CYP51A1: variants seen among roughly 807,000 people sequenced by gnomAD.
CYP51A1 encodes the protein lanosterol 14-alpha demethylase.
A neutral mutation model predicts 53.5 loss-of-function variants in CYP51A1; 45 were observed. The ratio of observed to expected loss-of-function variants is 0.84; its 90% CI spans 0.66 to 1.08. CYP51A1 has a LOEUF of 1.08. Among genes scored for constraint, CYP51A1 ranks in the 50% least tolerant of loss-of-function variants. The probability of loss-of-function intolerance (pLI) is 0.00; values close to 1 mark genes in which losing one functional copy is unlikely to be tolerated. For missense variants in CYP51A1, 462 were observed against 621.7 expected (o/e 0.74, Z 2.73); for synonymous variants, 181 against 217.7 (o/e 0.83, Z 1.48).
chr7:92,121,492 C>T (rs1819692847), intron 7 of CYP51A1, among the ~76,000 whole-genome samples: 1 of 152,078 alleles, frequency 6.6e-6, no homozygotes, highest in Admixed American at 6.6e-5. Context: ...AAATTGAAAA[C>T]ACATGTCCAC....
rs757146746 is a variant in CYP51A1, at chr7:92,126,298, T to C, written c.725A>G (p.His242Arg). ...CCAACCTGGTAAGAGCCAGGCTGCA[T>C]GGCTGAAACCTCCATCCAAATCTGC... ...LYADLDGGFS[H>R]AAWLLPGWLP... The change falls in exon 5 of 10, where the codon CAT (histidine) becomes CGT (arginine). Residue 242 changes from histidine to arginine, a missense_variant. Transcript: ENST00000003100. The C allele has an allele frequency of 1.2e-6, 2 of 1,611,464 alleles. No homozygotes were observed. Among genetic ancestry groups the C allele is most frequent in the East Asian group, 4.5e-5 (2 of 44,876 alleles).
chr7:92,133,378 C>A (rs1237149055), intron 1 of CYP51A1, among the ~76,000 whole-genome samples: 1 of 152,004 alleles, frequency 6.6e-6, no homozygotes, highest in Admixed American at 6.6e-5. Flanking sequence ...CCTCAGCTTC[C>A]CAAGCAGCTG....
intron 1 of CYP51A1, among the ~76,000 whole-genome samples, chr7:92,133,954 C>G (rs556940970): frequency 2.2e-3 from 337 of 152,344 alleles, no homozygotes; most frequent in Non-Finnish European, 3.7e-3. Flanking sequence ...AAGGCAATGG[C>G]GGGTGCTACA....
At chr7:92,123,676 T>C (rs1819736699) in intron 6 of CYP51A1, 58 bp downstream of exon 6, 10 of 1,478,876 alleles carry the variant, frequency 6.8e-6, no homozygotes, top group Non-Finnish European at 9.1e-6. Context: ...ACTATTTAAC[T>C]GTGTTTTAAT....
intron 5 of CYP51A1, among the ~76,000 whole-genome samples, chr7:92,124,819 G>T (rs1819762012): frequency 6.6e-6 from 1 of 152,234 alleles, no homozygotes; most frequent in South Asian, 2.1e-4. Flanking sequence ...TCATCCAAGA[G>T]ACAGAGCAGG....
At position 92,113,793 on chromosome 7, in the gene CYP51A1, T is replaced by C. The variant is rs1258756687; in HGVS notation, c.1402A>G (p.Ile468Val). ...ENFAYVQIKTIWSTMLRLYEF... is the reference protein window; with the variant it reads ...ENFAYVQIKTVWSTMLRLYEF... The stretch of plus-strand genomic sequence containing the variant: ...TATAAACGAAGCATAGTGGACCAAA[T>C]TGTCTTAATTTGAACATAGGCAAAA... Residue 468 changes from isoleucine to valine, a missense_variant, in exon 10 of 10, where the codon ATT becomes GTT. Transcript: ENST00000003100. 10 of 1,611,130 alleles carry C rather than the reference T, an allele frequency of 6.2e-6. No homozygotes were observed. Among genetic ancestry groups the C allele is most frequent in the South Asian group, 5.5e-5 (5 of 90,466 alleles).
chr7:92,114,148 T>C (rs1389043356), intron 9 of CYP51A1, among the ~76,000 whole-genome samples: 2 of 152,284 alleles, frequency 1.3e-5, no homozygotes, highest in Admixed American at 6.5e-5. Flanking sequence ...TTTGGGAATA[T>C]AGTAGAATAT....
rs751241690 is a variant in CYP51A1 at position 92,134,182 on chromosome 7, G to A, written c.183C>T (p.Pro61=). The change falls in exon 1 of 10, where the codon CCC becomes CCT. Residue 61 remains proline (P), a synonymous_variant. Transcript: ENST00000003100. ...TAAAGAATGTACGTACCACCCCTGCGGGCAGCTGGACCAGGTGGCCGGCGG... is the reference window on the plus strand; with the variant it reads ...TAAAGAATGTACGTACCACCCCTGCAGGCAGCTGGACCAGGTGGCCGGCGG... The part of the protein sequence containing the change: ...RLAAGHLVQL[P]AGVKSPPYIF... The A allele has an allele frequency of 1.9e-6, 3 of 1,611,818 alleles. 1 individual carries two copies. Among genetic ancestry groups the A allele is most frequent in the Non-Finnish European group, 2.5e-6 (3 of 1,179,656 alleles).
chr7:92,122,380 C>T (rs1187203779), intron 7 of CYP51A1, among the ~76,000 whole-genome samples: 1 of 151,546 alleles, frequency 6.6e-6, no homozygotes, highest in Non-Finnish European at 1.5e-5. Context: ...ATATCAAAAC[C>T]AGTCAAAGAC....
chr7:92,123,387 G>C, intron 6 of CYP51A1, 72 bp from the exon 7 acceptor site: 3 of 1,228,878 alleles, frequency 2.4e-6, no homozygotes, highest in East Asian at 2.3e-5. Flanking sequence ...TTTAAATAAA[G>C]TGTCATAATG....
chr7:92,126,201 C>A, intron 5 of CYP51A1, 52 bp downstream of exon 5: 1 of 1,330,670 alleles, frequency 7.5e-7, no homozygotes, highest in Non-Finnish European at 1.0e-6. Context: ...ACCAACACTA[C>A]AATAATTATA....
upstream of CYP51A1, chr7:92,134,649 G>T: frequency 4.9e-6 from 2 of 408,760 alleles, no homozygotes; most frequent in Non-Finnish European, 8.8e-6. Context: ...GTGGTACGGG[G>T]CCGGAAGATA....
intron 7 of CYP51A1, among the ~76,000 whole-genome samples, chr7:92,120,016 G>A (rs541498399): frequency 6.6e-6 from 1 of 151,852 alleles, no homozygotes; most frequent in Non-Finnish European, 1.5e-5. Flanking sequence ...GCAGAAGAAA[G>A]AATAACATCA....
chr7:92,113,851 A>C lies in CYP51A1; in HGVS notation c.1352-8T>G. The C allele has an allele frequency of 6.4e-6, 10 of 1,573,144 alleles. No homozygotes were observed. The highest frequency in any genetic ancestry group is 8.6e-6 in the Non-Finnish European group (10 of 1,162,618). ...CAATACAACGATGACGCCCTAAAAA[A>C]AAGAAAAAGTTATAAGAATCAGTTT... is the stretch of plus-strand genomic sequence containing the variant. On this transcript the variant is annotated splice_polypyrimidine_tract_variant and splice_region_variant and intron_variant, in intron 9 of 9. Coordinates refer to ENST00000003100, the MANE Select transcript of CYP51A1 (RefSeq NM_000786.4).
At chr7:92,127,658 C>T (rs749511325) in intron 3 of CYP51A1, 27 bp from the exon 4 acceptor site, 21 of 1,610,918 alleles carry the variant, frequency 1.3e-5, no homozygotes, top group African/African-American at 2.7e-5. Context: ...AACGGGGATA[C>T]GGCATTAAAA....
chr7:92,134,138 G>A, intron 1 of CYP51A1, 35 bp downstream of exon 1: 1 of 1,601,026 alleles, frequency 6.2e-7, no homozygotes. Context: ...CAGCTGCGGC[G>A]CGCGCCCCAC....
At chr7:92,114,975 T>C (rs1819555159) in intron 9 of CYP51A1, among the ~76,000 whole-genome samples, 1 of 152,202 alleles carries the variant, frequency 6.6e-6, no homozygotes, top group South Asian at 2.1e-4. Flanking sequence ...CATTTACAAA[T>C]TGGTCCATAT....
At chr7:92,114,038 C>G (rs1246816421) in intron 9 of CYP51A1, among the ~76,000 whole-genome samples, 195 bp from the exon 10 acceptor site, 1 of 152,040 alleles carries the variant, frequency 6.6e-6, no homozygotes, top group African/African-American at 2.4e-5. Flanking sequence ...TTTAGGAAAA[C>G]AGTACTTGAC....
intron 2 of CYP51A1, among the ~76,000 whole-genome samples, chr7:92,131,066 C>T (rs1404983995): frequency 6.6e-6 from 1 of 152,094 alleles, no homozygotes; most frequent in Non-Finnish European, 1.5e-5. Context: ...AAGAGTGTAA[C>T]AGAAACGACA....
Sources: gnomAD v4.1 joint callset for allele counts (sites outside exome capture counted in the v4.1 genomes callset) on GRCh38, gnomAD v4.1.1 for gene constraint, MANE v1.5 for transcripts, NCBI Gene and HGNC (gene_info 2026-07-23, HGNC 2026-07-21) for gene names.